Variants in PALS1 observed in about 807,000 individuals in gnomAD.
PALS1 encodes protein PALS1.
A neutral mutation model predicts 78.9 loss-of-function variants in PALS1; 31 were observed. That is an observed-to-expected ratio of 0.39 (90% CI 0.30 to 0.53). The LOEUF (loss-of-function observed/expected upper bound fraction) is 0.53. Ranked by LOEUF, PALS1 falls within the 20% of genes least tolerant of loss-of-function variation. The pLI is 0.67. For synonymous variants in PALS1, 276 were observed against 270.9 expected, an observed-to-expected ratio of 1.02 and a Z score of -0.18; for missense variants, 704 against 826.5, an observed-to-expected ratio of 0.85 and a Z score of 1.82.
intron 13 of PALS1, among the ~76,000 whole-genome samples, chr14:67,322,606 A>G (rs1235562470): frequency 6.6e-6 from 1 of 152,166 alleles, no homozygotes; most frequent in Non-Finnish European, 1.5e-5. Context: ...TTAGTGGACA[A>G]ATGCACTTAG....
intron 10 of PALS1, 70 bp downstream of exon 10, chr14:67,316,973 C>T: frequency 8.3e-7 from 1 of 1,205,844 alleles, no homozygotes; most frequent in Non-Finnish European, 1.2e-6. Flanking sequence ...TGTGAATCTG[C>T]ATATTAGAAC....
rs576488481 is a variant in PALS1 at position 67,325,132 on chromosome 14, C to T, written c.1851+1320C>T. Among the ~76,000 whole-genome samples the T allele has an allele frequency of 9.2e-5, 14 of 152,076 alleles. 1 individual carries two copies. The East Asian group carries it at 2.7e-3, about 29-fold the overall frequency. ...ATGTTAGCCAGGATGGTCTTGATCTCCTGACCTTGTGATCCACCCGCCTTG... is the reference window on the plus strand; with the variant it reads ...ATGTTAGCCAGGATGGTCTTGATCTTCTGACCTTGTGATCCACCCGCCTTG... On this transcript the variant is annotated intron_variant, in intron 14 of 14. Coordinates refer to ENST00000261681, the MANE Select transcript of PALS1 (RefSeq NM_022474.4).
In PALS1 at chr14:67,334,324, T is replaced by C. The variant is rs1279217286; in HGVS notation, c.*1368T>C. The C allele has an allele frequency of 6.6e-6, 1 of 152,634 alleles. No homozygotes were observed. The highest frequency in any genetic ancestry group is 1.5e-5 in the Non-Finnish European group (1 of 68,020). 9.5% of individuals were successfully genotyped at this position (152,634 alleles called of 1,614,324 possible). ...GTATATAATTGGCATGGAAACTTAA[T>C]TTGCAGTCTTTTCAAGCCTTTAGGA... is the stretch of plus-strand genomic sequence containing the variant. On this transcript the variant is annotated 3_prime_UTR_variant, in exon 15 of 15. Transcript: ENST00000261681.
chr14:67,255,162 A>T (rs1005229716), intron 1 of PALS1, among the ~76,000 whole-genome samples: 1 of 152,128 alleles, frequency 6.6e-6, no homozygotes, highest in African/African-American at 2.4e-5. Flanking sequence ...AAAAAAAAAA[A>T]GTTCGAATCT....
intron 1 of PALS1, among the ~76,000 whole-genome samples, chr14:67,247,736 C>G (rs918266530): frequency 6.6e-6 from 1 of 152,046 alleles, no homozygotes; most frequent in African/African-American, 2.4e-5. Flanking sequence ...TGCCACTATG[C>G]CCAGCTAATT....
chr14:67,267,673 G>GTCATGC (rs1472096338), intron 1 of PALS1, among the ~76,000 whole-genome samples: 1 of 152,148 alleles, frequency 6.6e-6, no homozygotes, highest in Non-Finnish European at 1.5e-5. Flanking sequence ...AATTTATATA[G>GTCATGC]TCATGCAGAC....
intron 14 of PALS1, among the ~76,000 whole-genome samples, chr14:67,328,799 A>T (rs184122217): frequency 6.6e-6 from 1 of 151,980 alleles, no homozygotes; most frequent in African/African-American, 2.4e-5. Context: ...GATGTGTGGT[A>T]TTATTTCTGA....
At chr14:67,317,287 A>G in intron 10 of PALS1, 121 bp from the exon 11 acceptor site, 1 of 810,858 alleles carries the variant, frequency 1.2e-6, no homozygotes. Context: ...ACATATGGAG[A>G]TCTCGTTTCT....
At chr14:67,331,627 A>C (rs959575435) in intron 14 of PALS1, among the ~76,000 whole-genome samples, 2 of 152,160 alleles carry the variant, frequency 1.3e-5, no homozygotes, top group African/African-American at 4.8e-5. Context: ...TTGTAATTTG[A>C]AAGAGAACTT....
chr14:67,319,113 A>C (rs2085224434), intron 11 of PALS1, among the ~76,000 whole-genome samples: 1 of 152,160 alleles, frequency 6.6e-6, no homozygotes, highest in Non-Finnish European at 1.5e-5. Context: ...CTTAACAACT[A>C]ATACATGATT....
At chr14:67,269,465 A>C (rs2084378762) in intron 1 of PALS1, among the ~76,000 whole-genome samples, 1 of 152,144 alleles carries the variant, frequency 6.6e-6, no homozygotes, top group African/African-American at 2.4e-5. Context: ...GTGTTATTGG[A>C]AAGTTTCCAT....
At chr14:67,298,882 C>G (rs2084895128) in intron 4 of PALS1, among the ~76,000 whole-genome samples, 1 of 152,152 alleles carries the variant, frequency 6.6e-6, no homozygotes, top group Non-Finnish European at 1.5e-5. Flanking sequence ...TTCTGTTTTA[C>G]AAATTTGTCA....
chr14:67,284,703 T>A (rs1375177128), intron 3 of PALS1, among the ~76,000 whole-genome samples: 1 of 151,838 alleles, frequency 6.6e-6, no homozygotes, highest in African/African-American at 2.4e-5. Flanking sequence ...CTTTTTGGAT[T>A]TGCTTATTCT....
chr14:67,248,090 T>A (rs912149151), intron 1 of PALS1, among the ~76,000 whole-genome samples: 6 of 152,218 alleles, frequency 3.9e-5, no homozygotes, highest in African/African-American at 1.4e-4. Flanking sequence ...GTGAACTTTT[T>A]TCTTTAATCT....
intron 9 of PALS1, among the ~76,000 whole-genome samples, chr14:67,315,375 C>T (rs2085154954): frequency 6.8e-6 from 1 of 147,388 alleles, no homozygotes; most frequent in African/African-American, 2.5e-5. Context: ...CTCCCGGGCT[C>T]ATGCCCTTCT....
In PALS1 at chr14:67,293,196, G is replaced by A. The variant is rs187237948; in HGVS notation, c.576+477G>A. On this transcript the variant is annotated intron_variant, in intron 4 of 14. Coordinates refer to ENST00000261681, the MANE Select transcript of PALS1 (RefSeq NM_022474.4). ...AATTATTAAATCTTAATATACTATG[G>A]GAGTTTTTATTGTTAACATGATGAC... 2.6e-5 allele frequency among the ~76,000 whole-genome samples: 4 copies of A among 152,012 alleles called. No individual in the cohort carries two copies. In the East Asian group the frequency reaches 7.7e-4, roughly 29 times the overall value.
At chr14:67,269,616 A>G (rs1410454995) in intron 1 of PALS1, 85 bp from the exon 2 acceptor site, 1 of 152,610 alleles carries the variant, frequency 6.6e-6, no homozygotes, top group Non-Finnish European at 1.5e-5. Flanking sequence ...TATCATATTG[A>G]ATTAGTCTTT....
intron 13 of PALS1, among the ~76,000 whole-genome samples, chr14:67,323,372 G>A (rs2085296942): frequency 6.6e-6 from 1 of 151,486 alleles, no homozygotes; most frequent in Non-Finnish European, 1.5e-5. Context: ...CAGCACTTTG[G>A]GAGAGACCAA....
At chr14:67,308,345 A>AT (rs1344606267) in intron 8 of PALS1, among the ~76,000 whole-genome samples, 3 of 131,220 alleles carry the variant, frequency 2.3e-5, no homozygotes, top group Non-Finnish European at 4.9e-5. Context: ...TTTCTCTTTG[A>AT]TTTTGAGGGC....
Sources: gnomAD v4.1 joint callset for allele counts (sites outside exome capture counted in the v4.1 genomes callset) on GRCh38, gnomAD v4.1.1 for gene constraint, MANE v1.5 for transcripts, NCBI Gene and HGNC (gene_info 2026-07-23, HGNC 2026-07-21) for gene names.